ENTREP2: variants seen among roughly 807,000 people sequenced by gnomAD.
ENTREP2 encodes the protein protein ENTREP2.
chr15:29,652,217 T>C, the ENTREP2 span, among the ~76,000 whole-genome samples: 1 of 152,124 alleles, frequency 6.6e-6, no homozygotes, highest in Non-Finnish European at 1.5e-5. Context: ...GCTGTGGAAA[T>C]GACAGGACAA....
chr15:29,468,846 G>A, the ENTREP2 span, among the ~76,000 whole-genome samples: 3 of 151,984 alleles, frequency 2.0e-5, 1 homozygote, highest in Admixed American at 6.6e-5. Flanking sequence ...ATTTTCTTAT[G>A]TAACCCCAGT....
At chr15:29,227,463 A>T in the ENTREP2 span, among the ~76,000 whole-genome samples, 2 of 152,170 alleles carry the variant, frequency 1.3e-5, no homozygotes, top group Non-Finnish European at 2.9e-5. Flanking sequence ...CTGCATATTT[A>T]GGGTGCAAGG....
chr15:29,644,821 AAAAAAAG>A, the ENTREP2 span, among the ~76,000 whole-genome samples: 1 of 150,956 alleles, frequency 6.6e-6, no homozygotes, highest in Admixed American at 6.6e-5. Context: ...CATAAAAAAA[AAAAAAAG>A]AAAAAAAAAG....
the ENTREP2 span, among the ~76,000 whole-genome samples, chr15:29,224,135 GT>G: frequency 6.6e-6 from 1 of 152,064 alleles, no homozygotes; most frequent in Non-Finnish European, 1.5e-5. Context: ...CTTCCTTCTG[GT>G]GGGTTCGTGG....
chr15:29,450,079 A>G, the ENTREP2 span, among the ~76,000 whole-genome samples: 3 of 152,158 alleles, frequency 2.0e-5, no homozygotes, highest in African/African-American at 4.8e-5. Context: ...TCCTTTGCCC[A>G]CTTTTTAATG....
At chr15:29,484,057 G>A in the ENTREP2 span, among the ~76,000 whole-genome samples, 1 of 152,140 alleles carries the variant, frequency 6.6e-6, no homozygotes, top group Admixed American at 6.5e-5. Context: ...ACCCAGGAGG[G>A]CAGCCAGGGT....
the ENTREP2 span, among the ~76,000 whole-genome samples, chr15:29,563,045 C>G: frequency 6.6e-6 from 1 of 152,178 alleles, no homozygotes. Flanking sequence ...CCTGCGTCAG[C>G]CTCCCAAAGT....
At chr15:29,400,298 T>A in the ENTREP2 span, among the ~76,000 whole-genome samples, 3 of 152,156 alleles carry the variant, frequency 2.0e-5, no homozygotes, top group Non-Finnish European at 4.4e-5. Flanking sequence ...ATTCCATTTA[T>A]AATGGTAAGC....
At chr15:29,573,166 G>A in the ENTREP2 span, among the ~76,000 whole-genome samples, 1 of 152,138 alleles carries the variant, frequency 6.6e-6, no homozygotes, top group East Asian at 1.9e-4. Context: ...ATTTAAGAAA[G>A]GTACGGAAAG....
At chr15:29,623,313 G>C in the ENTREP2 span, among the ~76,000 whole-genome samples, 1 of 152,126 alleles carries the variant, frequency 6.6e-6, no homozygotes, top group Non-Finnish European at 1.5e-5. Flanking sequence ...CCAAGGCCAT[G>C]GTGCCCAAGC....
chr15:29,510,731 C>T, the ENTREP2 span, among the ~76,000 whole-genome samples: 202 of 150,568 alleles, frequency 1.3e-3, no homozygotes, highest in Admixed American at 3.2e-3. Context: ...GGCGTGAACC[C>T]GGGAAGTGGA....
chr15:29,220,531 G>A, the ENTREP2 span, among the ~76,000 whole-genome samples: 12 of 152,296 alleles, frequency 7.9e-5, no homozygotes, highest in African/African-American at 2.4e-4. Context: ...GGCTGAGGAA[G>A]GAGAGGAGCT....
At chr15:29,217,009 A>AG in the ENTREP2 span, among the ~76,000 whole-genome samples, 39 of 152,230 alleles carry the variant, frequency 2.6e-4, no homozygotes, top group African/African-American at 8.2e-4. Context: ...TGGTTTAGGA[A>AG]GGGGGGGTCT....
the ENTREP2 span, chr15:29,137,070 G>A: frequency 3.4e-6 from 5 of 1,457,586 alleles, no homozygotes; most frequent in Admixed American, 1.0e-4. Flanking sequence ...GGTGTACTCT[G>A]GGGGGTAATA....
the ENTREP2 span, among the ~76,000 whole-genome samples, chr15:29,373,269 G>GT: frequency 6.6e-6 from 1 of 152,014 alleles, no homozygotes; most frequent in Non-Finnish European, 1.5e-5. Flanking sequence ...AAGACTAGAA[G>GT]GTAAGAAAAT....
At chr15:29,299,722 T>C in the ENTREP2 span, among the ~76,000 whole-genome samples, 1 of 152,230 alleles carries the variant, frequency 6.6e-6, no homozygotes, top group Non-Finnish European at 1.5e-5. Context: ...ATACTTTTAT[T>C]CTATGTCTTC....
the ENTREP2 span, among the ~76,000 whole-genome samples, chr15:29,387,922 A>C: frequency 1.3e-5 from 2 of 152,248 alleles, no homozygotes; most frequent in African/African-American, 4.8e-5. Context: ...CCATACGTAG[A>C]AAGCTGAAAC....
the ENTREP2 span, among the ~76,000 whole-genome samples, chr15:29,245,964 C>T: frequency 5.3e-5 from 8 of 152,250 alleles, no homozygotes; most frequent in East Asian, 1.9e-4. Context: ...ACTGCAGGGA[C>T]GGTCTTAGTG....
the ENTREP2 span, among the ~76,000 whole-genome samples, chr15:29,414,366 C>T: frequency 6.6e-6 from 1 of 152,160 alleles, no homozygotes; most frequent in East Asian, 1.9e-4. Flanking sequence ...CACTCAACTA[C>T]ATGGAAACTG....
Sources: gnomAD v4.1 joint callset for allele counts (sites outside exome capture counted in the v4.1 genomes callset) on GRCh38, gnomAD v4.1.1 for gene constraint, MANE v1.5 for transcripts, NCBI Gene and HGNC (gene_info 2026-07-23, HGNC 2026-07-21) for gene names.